The following WWC2 variants were observed in gnomAD, a reference collection of about 807,000 sequenced individuals.
WWC2 encodes the protein protein WWC2.
Under a neutral mutation model 138.5 loss-of-function variants are expected in WWC2, and 101 were observed. That is an observed-to-expected ratio of 0.73 (90% CI 0.62 to 0.86). The LOEUF (loss-of-function observed/expected upper bound fraction) is 0.86, where lower values mean the gene tolerates loss of function less well. WWC2 is among the 40% of genes least tolerant of loss of function. WWC2 has a pLI of 0.00. For synonymous variants in WWC2, 558 were observed against 538.4 expected (o/e 1.04, Z -0.50); for missense variants, 1,420 against 1,419.4 (o/e 1.00, Z -0.01).
At chr4:183,140,092 G>A (rs138903416) in intron 1 of WWC2, among the ~76,000 whole-genome samples, 4 of 152,198 alleles carry the variant, frequency 2.6e-5, no homozygotes, top group African/African-American at 7.2e-5. Context: ...GATTATAGGC[G>A]TGAGCCACTG....
At chr4:183,274,642 T>C (rs1035599190) in intron 16 of WWC2, among the ~76,000 whole-genome samples, 3 of 152,150 alleles carry the variant, frequency 2.0e-5, no homozygotes, top group African/African-American at 7.2e-5. Context: ...GAACTGGGCT[T>C]TTAAAAGTTT....
chr4:183,139,515 C>T (rs1270524934), intron 1 of WWC2, among the ~76,000 whole-genome samples: 1 of 152,146 alleles, frequency 6.6e-6, no homozygotes, highest in Admixed American at 6.5e-5. Flanking sequence ...GGCCAAAAAC[C>T]TTACAGTCAT....
At chr4:183,138,444 C>T (rs1261587710) in intron 1 of WWC2, among the ~76,000 whole-genome samples, 1 of 152,160 alleles carries the variant, frequency 6.6e-6, no homozygotes, top group African/African-American at 2.4e-5. Context: ...CAGACCAAGT[C>T]TGGCCTGGTG....
At chr4:183,148,511 TC>T (rs1242847050) in intron 1 of WWC2, among the ~76,000 whole-genome samples, 2 of 152,216 alleles carry the variant, frequency 1.3e-5, no homozygotes, top group Non-Finnish European at 2.9e-5. Context: ...ATGAGTATGT[TC>T]CCTGCTGCCT....
At chr4:183,247,766 A>T (rs536533933) in intron 6 of WWC2, among the ~76,000 whole-genome samples, 2 of 141,112 alleles carry the variant, frequency 1.4e-5, no homozygotes, top group Non-Finnish European at 3.0e-5. Flanking sequence ...TATATATATA[A>T]TATATATACT....
rs1348090030 is a variant in WWC2 at position 183,275,947 on chromosome 4, C to A, written c.2562+4706C>A. ...ACAGATTCTATCTCTGTACTTCAGT[C>A]TATTTAGACTTAGAAGTATTGCTTT... On this transcript the variant is annotated intron_variant, in intron 16 of 22. Transcript: ENST00000403733. 2.0e-5 allele frequency among the ~76,000 whole-genome samples: 3 copies of A among 152,092 alleles called. No individual in the cohort carries two copies. In the East Asian group the frequency reaches 5.8e-4, roughly 29 times the overall value.
chr4:183,284,431 C>T (rs371155992), intron 19 of WWC2, 41 bp downstream of exon 19: 1 of 1,596,282 alleles, frequency 6.3e-7, no homozygotes. Context: ...GGGACTGCAG[C>T]TTCTTCCCTG....
intron 1 of WWC2, among the ~76,000 whole-genome samples, chr4:183,128,205 G>C (rs1732817328): frequency 6.6e-6 from 1 of 152,174 alleles, no homozygotes; most frequent in Non-Finnish European, 1.5e-5. Context: ...CGAGTGTGGT[G>C]GCACTCACCT....
At chr4:183,214,809 G>A (rs966017395) in intron 4 of WWC2, among the ~76,000 whole-genome samples, 2 of 152,032 alleles carry the variant, frequency 1.3e-5, no homozygotes, top group Non-Finnish European at 2.9e-5. Context: ...TATGCCTTTG[G>A]AGAATGTAAA....
chr4:183,187,167 A>G (rs527673302), intron 1 of WWC2, among the ~76,000 whole-genome samples: 1 of 152,264 alleles, frequency 6.6e-6, no homozygotes, highest in East Asian at 1.9e-4. Context: ...GCACACAGAC[A>G]GGATCTAAAA....
In WWC2 at chr4:183,113,271, T is replaced by C. The variant is rs778892008; in HGVS notation, c.131+13649T>C. ...ACGTTTCCATCAGCACAGATTGATG[T>C]AGAAACAGAGGGAGGAGGGTCTTAT... On this transcript the variant is annotated intron_variant, in intron 1 of 22. Transcript: ENST00000403733. 3.8e-4 allele frequency among the ~76,000 whole-genome samples: 58 copies of C among 151,746 alleles called. 1 individual carries two copies. The highest frequency in any genetic ancestry group is 3.2e-3 in the Middle Eastern group (1 of 316).
chr4:183,112,347 C>A (rs1732262293), intron 1 of WWC2, among the ~76,000 whole-genome samples: 1 of 152,216 alleles, frequency 6.6e-6, no homozygotes, highest in Non-Finnish European at 1.5e-5. Flanking sequence ...AGAATAGAGA[C>A]CTGCTTTGTG....
Position 183,124,552 on chromosome 4 carries a change from T to G in WWC2, c.131+24930T>G, listed in dbSNP as rs527848585. ...CCTTTTTCTCTTTTTTTTTTTTTTT[T>G]GCTGGGATTACAGGCATGAGCCACC... On this transcript the variant is annotated intron_variant, in intron 1 of 22. Transcript: ENST00000403733. 2.4e-4 allele frequency among the ~76,000 whole-genome samples: 35 copies of G among 148,382 alleles called. No individual in the cohort carries two copies. In the South Asian group the frequency reaches 6.3e-3, roughly 27 times the overall value.
intron 22 of WWC2, among the ~76,000 whole-genome samples, chr4:183,314,494 A>G (rs536666806): frequency 6.6e-6 from 1 of 152,294 alleles, no homozygotes; most frequent in East Asian, 1.9e-4. Flanking sequence ...TTGCACGGCT[A>G]CCGTTGCCTG....
intron 1 of WWC2, among the ~76,000 whole-genome samples, chr4:183,161,256 G>A (rs1733953066): frequency 6.6e-6 from 1 of 152,174 alleles, no homozygotes; most frequent in African/African-American, 2.4e-5. Context: ...GTGAAAATCT[G>A]CTTTTTACTA....
At chr4:183,213,309 C>T (rs1735661909) in intron 4 of WWC2, among the ~76,000 whole-genome samples, 2 of 152,196 alleles carry the variant, frequency 1.3e-5, no homozygotes, top group African/African-American at 4.8e-5. Flanking sequence ...TTTTGATAAT[C>T]TGGCCCTTCT....
At position 183,121,063 on chromosome 4, in the gene WWC2, C is replaced by G. The variant is rs116725687; in HGVS notation, c.131+21441C>G. Among the ~76,000 whole-genome samples the G allele has an allele frequency of 1.6e-3, 244 of 152,272 alleles. 2 individuals are homozygous for G. Among genetic ancestry groups the G allele is most frequent in the African/African-American group, 5.4e-3 (225 of 41,562 alleles). On this transcript the variant is annotated intron_variant, in intron 1 of 22. Transcript: ENST00000403733. The stretch of plus-strand genomic sequence containing the variant: ...GAGACCTTGTCTCTACAAAATAATA[C>G]AAAAGTTAGCCAGGCATGGCGGTGC...
At chr4:183,290,013 T>G (rs901159432) in intron 21 of WWC2, among the ~76,000 whole-genome samples, 1 of 152,140 alleles carries the variant, frequency 6.6e-6, no homozygotes, top group South Asian at 2.1e-4. Context: ...TTGGCATAAG[T>G]GGGACATTTT....
In WWC2 at chr4:183,310,667, A is replaced by ATTT. The variant is rs33923162; in HGVS notation, c.3385-1659_3385-1657dup. Among the ~76,000 whole-genome samples, 230 of 130,934 alleles carry ATTT rather than the reference A, an allele frequency of 1.8e-3. 2 individuals carry two copies. The highest frequency in any genetic ancestry group is 6.1e-3 in the African/African-American group (213 of 34,686). The allele number at this position is 130,934 out of a possible 152,430, so 85.9% of individuals were successfully genotyped here. A position where few individuals can be genotyped will look rare whatever the true frequency, so the allele number is the denominator to read the frequency against. On this transcript the variant is annotated intron_variant, in intron 21 of 22. Coordinates refer to ENST00000403733, the MANE Select transcript of WWC2 (RefSeq NM_024949.6). Reference sequence around the variant, plus strand: ...AGGCACATGCCACCACACCTAGCTAATTTTTTTTTTTTTTTTTCATAGAGA... The same window carrying ATTT: ...AGGCACATGCCACCACACCTAGCTAATTTTTTTTTTTTTTTTTTTTCATAGAGA...
Sources: allele counts gnomAD v4.1 joint callset (sites outside exome capture counted in the v4.1 genomes callset), GRCh38; gene constraint gnomAD v4.1.1; transcripts MANE v1.5; gene names NCBI Gene and HGNC (gene_info 2026-07-23, HGNC 2026-07-21).